Variants in PABPC4L observed in about 807,000 individuals in gnomAD.
The protein encoded by PABPC4L is poly(A) binding protein cytoplasmic 4 like.
For synonymous variants in PABPC4L, 169 were observed against 164.1 expected, an observed-to-expected ratio of 1.03 and a Z score of -0.23; for missense variants, 452 against 451.4, an observed-to-expected ratio of 1.00 and a Z score of -0.01.
At chr4:134,148,004 T>C in the PABPC4L span, among the ~76,000 whole-genome samples, 2 of 152,058 alleles carry the variant, frequency 1.3e-5, no homozygotes, top group African/African-American at 4.8e-5. Flanking sequence ...GGAGCTGGTA[T>C]ATTTATGTAT....
chr4:133,959,049 A>G, the PABPC4L span, among the ~76,000 whole-genome samples: 1 of 152,168 alleles, frequency 6.6e-6, no homozygotes, highest in Non-Finnish European at 1.5e-5. Flanking sequence ...TTCTATGGGT[A>G]TTCATTTCTG....
the PABPC4L span, among the ~76,000 whole-genome samples, chr4:134,013,293 G>A: frequency 6.6e-6 from 1 of 151,708 alleles, no homozygotes; most frequent in Non-Finnish European, 1.5e-5. Flanking sequence ...TCTTAATTCT[G>A]TGCTACAACC....
the PABPC4L span, among the ~76,000 whole-genome samples, chr4:134,062,515 C>T: frequency 6.6e-6 from 1 of 151,866 alleles, no homozygotes; most frequent in African/African-American, 2.4e-5. Flanking sequence ...AAAAAAAAAT[C>T]TTCAAGGCAT....
At chr4:134,070,005 TGGCTTTTATTTTC>T in the PABPC4L span, among the ~76,000 whole-genome samples, 6 of 150,194 alleles carry the variant, frequency 4.0e-5, no homozygotes, top group South Asian at 2.1e-4. Context: ...TTTTTTTTTT[TGGCTTTTATTTTC>T]TTTGATGCCC....
chr4:133,976,748 A>G, the PABPC4L span, among the ~76,000 whole-genome samples: 1 of 152,124 alleles, frequency 6.6e-6, no homozygotes. Flanking sequence ...TGTTGGCTGC[A>G]TAAATGTCTT....
At chr4:134,070,569 T>G in the PABPC4L span, among the ~76,000 whole-genome samples, 3 of 151,972 alleles carry the variant, frequency 2.0e-5, no homozygotes, top group Non-Finnish European at 4.4e-5. Flanking sequence ...TCCCAGTGGG[T>G]GTGCATGCAC....
At chr4:134,048,992 G>T in the PABPC4L span, among the ~76,000 whole-genome samples, 1 of 151,938 alleles carries the variant, frequency 6.6e-6, no homozygotes, top group African/African-American at 2.4e-5. Flanking sequence ...TACAAAATTT[G>T]GGGCTTCTGG....
chr4:134,111,291 G>T, the PABPC4L span, among the ~76,000 whole-genome samples: 1 of 151,986 alleles, frequency 6.6e-6, no homozygotes. Flanking sequence ...ATTTCCCAAA[G>T]CTACAGTTCC....
chr4:134,171,997 G>T, the PABPC4L span, among the ~76,000 whole-genome samples: 1 of 151,700 alleles, frequency 6.6e-6, no homozygotes, highest in African/African-American at 2.4e-5. Flanking sequence ...TTACAAACCA[G>T]TGCTCAAAAA....
the PABPC4L span, among the ~76,000 whole-genome samples, chr4:134,143,925 C>T: frequency 6.6e-6 from 1 of 151,380 alleles, no homozygotes; most frequent in Non-Finnish European, 1.5e-5. Context: ...ATTTCACCTG[C>T]ATATTTTACT....
chr4:134,145,585 C>A, the PABPC4L span, among the ~76,000 whole-genome samples: 1 of 151,584 alleles, frequency 6.6e-6, no homozygotes, highest in Non-Finnish European at 1.5e-5. Flanking sequence ...GTAAATGGGA[C>A]CTAAGAGGGG....
At chr4:134,111,378 A>C in the PABPC4L span, among the ~76,000 whole-genome samples, 1 of 152,010 alleles carries the variant, frequency 6.6e-6, no homozygotes, top group Non-Finnish European at 1.5e-5. Context: ...TCAAACGATA[A>C]CAATATATAG....
At chr4:134,149,270 T>C in the PABPC4L span, among the ~76,000 whole-genome samples, 1 of 152,158 alleles carries the variant, frequency 6.6e-6, no homozygotes, top group East Asian at 1.9e-4. Context: ...AAAGAAGACT[T>C]TTTAATTCAA....
chr4:134,150,172 T>TC, the PABPC4L span, among the ~76,000 whole-genome samples: 1 of 150,268 alleles, frequency 6.7e-6, no homozygotes, highest in Non-Finnish European at 1.5e-5. Flanking sequence ...AACCTCCGCC[T>TC]CCCGGGTTCA....
chr4:134,031,460 A>AT, the PABPC4L span, among the ~76,000 whole-genome samples: 3 of 151,928 alleles, frequency 2.0e-5, no homozygotes, highest in Non-Finnish European at 2.9e-5. Context: ...AGTAAATTGA[A>AT]TTTTTTGTAA....
chr4:133,975,818 T>C, the PABPC4L span, among the ~76,000 whole-genome samples: 5 of 152,272 alleles, frequency 3.3e-5, no homozygotes, highest in Admixed American at 3.3e-4. Flanking sequence ...TACTTGGTGG[T>C]AGAATTTTCA....
At chr4:134,085,545 A>G in the PABPC4L span, among the ~76,000 whole-genome samples, 1 of 152,214 alleles carries the variant, frequency 6.6e-6, no homozygotes. Context: ...ATCAAGAACT[A>G]CTGTAGAAAT....
the PABPC4L span, among the ~76,000 whole-genome samples, chr4:134,126,356 G>A: frequency 6.6e-6 from 1 of 152,100 alleles, no homozygotes; most frequent in South Asian, 2.1e-4. Context: ...GTCTCAGCTG[G>A]TAGAATCAAC....
the PABPC4L span, among the ~76,000 whole-genome samples, chr4:134,170,083 C>T: frequency 2.0e-5 from 3 of 152,024 alleles, no homozygotes; most frequent in African/African-American, 7.2e-5. Flanking sequence ...CCAAGTAGAA[C>T]TGTGTCCATG....
Sources: gnomAD v4.1 joint callset for allele counts (sites outside exome capture counted in the v4.1 genomes callset) on GRCh38, gnomAD v4.1.1 for gene constraint, MANE v1.5 for transcripts, NCBI Gene and HGNC (gene_info 2026-07-23, HGNC 2026-07-21) for gene names.